Variants in NUBPL observed in about 807,000 individuals in gnomAD.
NUBPL encodes the protein NUBP iron-sulfur cluster assembly factor, mitochondrial.
Under a neutral mutation model 45.7 loss-of-function variants are expected in NUBPL, and 31 were observed. That is an observed-to-expected ratio of 0.68 (90% CI 0.51 to 0.92). The LOEUF is 0.92. Among genes scored for constraint, NUBPL ranks in the 40% least tolerant of loss-of-function variants. The pLI is 0.00. For missense variants in NUBPL, 401 were observed against 398.7 expected, an observed-to-expected ratio of 1.01 and a Z score of -0.05; for synonymous variants, 144 against 140.9, an observed-to-expected ratio of 1.02 and a Z score of -0.15.
rs1053577807 is a variant in NUBPL, at chr14:31,688,334, T to G, written c.513+14760T>G. Among the ~76,000 whole-genome samples, 10 of 152,130 alleles carry G rather than the reference T, an allele frequency of 6.6e-5. No individual in the cohort carries two copies. The East Asian group carries it at 1.7e-3, about 27-fold the overall frequency. On this transcript the variant is annotated intron_variant, in intron 6 of 10. Coordinates refer to ENST00000281081, the MANE Select transcript of NUBPL (RefSeq NM_025152.3). ...GGTTCACGCCTGTAATCCCAGCACT[T>G]TGGCAGGCCGAAGTGGGCAGATCAT...
chr14:31,634,529 A>T (rs2035434333), intron 4 of NUBPL, among the ~76,000 whole-genome samples: 1 of 152,002 alleles, frequency 6.6e-6, no homozygotes, highest in Admixed American at 6.5e-5. Context: ...TGCTATTGTG[A>T]ATAGTGCTGC....
chr14:31,794,416 T>C (rs374698946), intron 7 of NUBPL, among the ~76,000 whole-genome samples: 1 of 12,134 alleles, frequency 8.2e-5, no homozygotes, highest in Non-Finnish European at 1.3e-4. Flanking sequence ...TTTTAATGAT[T>C]GCCATTCTAA....
chr14:31,721,456 C>A (rs2037805761), intron 6 of NUBPL, among the ~76,000 whole-genome samples: 1 of 151,880 alleles, frequency 6.6e-6, no homozygotes, highest in African/African-American at 2.4e-5. Context: ...ATTTTCACTG[C>A]TTTTATTTCA....
chr14:31,833,161 A>G (rs2040220200), intron 8 of NUBPL, among the ~76,000 whole-genome samples: 1 of 152,092 alleles, frequency 6.6e-6, no homozygotes, highest in South Asian at 2.1e-4. Context: ...TGAGGCTAGG[A>G]GTTGAAGACC....
At chr14:31,639,911 G>A (rs1352079715) in intron 4 of NUBPL, among the ~76,000 whole-genome samples, 1 of 152,154 alleles carries the variant, frequency 6.6e-6, no homozygotes, top group Non-Finnish European at 1.5e-5. Flanking sequence ...ATAATCTCCT[G>A]ATGCGCCGTT....
chr14:31,609,437 C>A (rs964335234), intron 4 of NUBPL, among the ~76,000 whole-genome samples: 4 of 152,100 alleles, frequency 2.6e-5, no homozygotes, highest in African/African-American at 9.7e-5. Flanking sequence ...CAAATATTAT[C>A]AGAGCTAAAG....
At chr14:31,730,120 C>G (rs953289390) in intron 6 of NUBPL, among the ~76,000 whole-genome samples, 7 of 151,906 alleles carry the variant, frequency 4.6e-5, no homozygotes, top group African/African-American at 1.7e-4. Flanking sequence ...ATGCTAAGGA[C>G]AATTTAAAAA....
intron 7 of NUBPL, among the ~76,000 whole-genome samples, chr14:31,802,904 A>G (rs1387932874): frequency 6.6e-6 from 1 of 152,212 alleles, no homozygotes; most frequent in African/African-American, 2.4e-5. Flanking sequence ...TATTTCAGTC[A>G]TTGTTTAAAG....
intron 4 of NUBPL, among the ~76,000 whole-genome samples, chr14:31,610,765 A>T (rs2034735809): frequency 6.6e-6 from 1 of 152,154 alleles, no homozygotes; most frequent in Non-Finnish European, 1.5e-5. Flanking sequence ...GGATGCAAGG[A>T]TGGTTCAGCA....
At chr14:31,778,230 C>G (rs762612974) in intron 6 of NUBPL, among the ~76,000 whole-genome samples, 3 of 152,160 alleles carry the variant, frequency 2.0e-5, no homozygotes, top group Non-Finnish European at 4.4e-5. Context: ...TTATTTTCCC[C>G]TTTTTTGGGA....
chr14:31,687,321 C>T (rs1566500806), intron 6 of NUBPL, among the ~76,000 whole-genome samples: 2 of 152,140 alleles, frequency 1.3e-5, no homozygotes, highest in Non-Finnish European at 2.9e-5. Flanking sequence ...TAAAACATCA[C>T]ATATGTCATG....
At chr14:31,577,658 C>A (rs1418985789) in intron 3 of NUBPL, among the ~76,000 whole-genome samples, 1 of 152,206 alleles carries the variant, frequency 6.6e-6, no homozygotes, top group Non-Finnish European at 1.5e-5. Context: ...ATGATCCACC[C>A]ACCTTGGCCT....
intron 6 of NUBPL, among the ~76,000 whole-genome samples, chr14:31,736,606 G>C (rs1162685517): frequency 1.3e-5 from 2 of 152,086 alleles, no homozygotes; most frequent in Non-Finnish European, 2.9e-5. Context: ...CCATTCTCCT[G>C]TTGACATCTG....
At chr14:31,565,184 C>T in intron 3 of NUBPL, 136 bp downstream of exon 3, 1 of 529,396 alleles carries the variant, frequency 1.9e-6, no homozygotes, top group Non-Finnish European at 3.4e-6. Context: ...TTAAGGAACT[C>T]AATGCTGCCA....
intron 6 of NUBPL, among the ~76,000 whole-genome samples, chr14:31,731,746 A>G (rs1366254839): frequency 6.6e-6 from 1 of 152,166 alleles, no homozygotes; most frequent in Non-Finnish European, 1.5e-5. Flanking sequence ...CATTTTTATG[A>G]CTTACATTTA....
chr14:31,754,464 A>G (rs2138699230), intron 6 of NUBPL, among the ~76,000 whole-genome samples: 1 of 152,284 alleles, frequency 6.6e-6, no homozygotes, highest in Non-Finnish European at 1.5e-5. Flanking sequence ...AATGTAGAGT[A>G]TGGAAAATCC....
At chr14:31,812,601 G>A (rs2039830543) in intron 7 of NUBPL, among the ~76,000 whole-genome samples, 2 of 152,172 alleles carry the variant, frequency 1.3e-5, no homozygotes. Flanking sequence ...CTGGTGAGGC[G>A]ATGCCCCGCC....
At chr14:31,755,386 C>T (rs190125014) in intron 6 of NUBPL, among the ~76,000 whole-genome samples, 99 of 152,338 alleles carry the variant, frequency 6.5e-4, no homozygotes, top group African/African-American at 2.2e-3. Flanking sequence ...TCAATGATCA[C>T]CATTCTAACT....
At chr14:31,836,883 G>T (rs563909656) in intron 8 of NUBPL, among the ~76,000 whole-genome samples, 32 of 152,128 alleles carry the variant, frequency 2.1e-4, no homozygotes, top group Non-Finnish European at 3.5e-4. Context: ...CATACAGAGA[G>T]AGACATACAC....
Sources: gnomAD v4.1 joint callset for allele counts (sites outside exome capture counted in the v4.1 genomes callset) on GRCh38, gnomAD v4.1.1 for gene constraint, MANE v1.5 for transcripts, NCBI Gene and HGNC (gene_info 2026-07-23, HGNC 2026-07-21) for gene names.